Variants in DPM1 observed in about 807,000 individuals in gnomAD.
DPM1 encodes dolichyl-phosphate mannosyltransferase subunit 1, catalytic.
In DPM1, 27 loss-of-function variants were observed where a neutral mutation model predicts 39.0. That is an observed-to-expected ratio of 0.69 (90% CI 0.51 to 0.95). The LOEUF (loss-of-function observed/expected upper bound fraction) is 0.95, where lower values mean the gene tolerates loss of function less well. Among genes scored for constraint, DPM1 ranks in the 40% least tolerant of loss-of-function variants. The pLI is 0.00. For missense variants in DPM1, 307 were observed against 315.6 expected, an observed-to-expected ratio of 0.97 and a Z score of 0.21; for synonymous variants, 124 against 109.0, an observed-to-expected ratio of 1.14 and a Z score of -0.86.
intron 6 of DPM1, among the ~76,000 whole-genome samples, chr20:50,941,389 TA>T (rs1985806647): frequency 2.7e-5 from 4 of 145,944 alleles, no homozygotes; most frequent in African/African-American, 7.5e-5. Flanking sequence ...TATATTCATA[TA>T]TATATTCATA....
rs762396281 is a variant in DPM1 at position 50,958,401 on chromosome 20, C to T, written c.123G>A (p.Pro41=). 16 of 1,614,010 alleles carry T rather than the reference C, an allele frequency of 9.9e-6. No individual in the cohort carries two copies. The East Asian group carries it at 3.3e-4, about 34-fold the overall frequency. ...TTTTCACCAGCAGCCACACGATGAG[C>T]GGCAGGTTCTCGCGCTCGTTGTAGG... ...LPTYNERENL[P]LIVWLLVKSF... Residue 41 remains proline, a synonymous_variant, in exon 1 of 9, where the codon CCG becomes CCA. Transcript: ENST00000371588.
intron 3 of DPM1, 113 bp downstream of exon 3, chr20:50,948,516 A>G: frequency 9.8e-7 from 1 of 1,024,506 alleles, no homozygotes; most frequent in East Asian, 2.4e-5. Flanking sequence ...ATCATTAAAA[A>G]CCATCATAGG....
At chr20:50,936,729 A>C (rs1032160966) in intron 7 of DPM1, among the ~76,000 whole-genome samples, 2 of 152,194 alleles carry the variant, frequency 1.3e-5, no homozygotes, top group African/African-American at 4.8e-5. Context: ...GTTTATGATG[A>C]GTTTTGATTT....
At chr20:50,945,505 T>A (rs1986228782) in intron 5 of DPM1, among the ~76,000 whole-genome samples, 1 of 152,130 alleles carries the variant, frequency 6.6e-6, no homozygotes, top group South Asian at 2.1e-4. Flanking sequence ...TGTGTCTGGC[T>A]AATTTTTGTT....
In DPM1 at chr20:50,958,507, A is replaced by C; in HGVS notation, c.17T>G (p.Val6Gly). 1.9e-6 allele frequency: 3 copies of C among 1,613,418 alleles called. No homozygotes were observed. Among genetic ancestry groups the C allele is most frequent in the Non-Finnish European group, 2.5e-6 (3 of 1,179,934 alleles). The change falls in exon 1 of 9, where the codon GTC becomes GGC. Residue 6 changes from valine (V) to glycine (G), a missense_variant. By Grantham distance (109) the Val-to-Gly change is moderately radical. This residue lies in a region of DPM1 where 206 missense variants were observed against 188.2 expected (regional missense o/e 1.09). Coordinates refer to ENST00000371588, the MANE Select transcript of DPM1 (RefSeq NM_003859.3). Reference protein sequence around the residue: MASLEVSRSPRRSRRE... With the variant: MASLEGSRSPRRSRRE... ...CCGAGACCTGCGAGGACTACGACTG[A>C]CTTCCAAGGAGGCCATGGCGGAACT...
At chr20:50,937,201 G>A (rs929347513) in intron 7 of DPM1, among the ~76,000 whole-genome samples, 1 of 152,056 alleles carries the variant, frequency 6.6e-6, no homozygotes, top group Non-Finnish European at 1.5e-5. Context: ...TGTGCCTCAG[G>A]GTTTCACCCT....
intron 6 of DPM1, chr20:50,941,248 AT>A: frequency 5.8e-6 from 1 of 172,088 alleles, no homozygotes; most frequent in Non-Finnish European, 1.1e-5. Flanking sequence ...ATATATATAT[AT>A]ATATATATAT....
intron 1 of DPM1, 23 bp downstream of exon 1, chr20:50,958,340 G>A: frequency 1.2e-6 from 2 of 1,611,586 alleles, no homozygotes; most frequent in East Asian, 2.2e-5. Context: ...TCATTCTTCG[G>A]GGAGGGAGAC....
chr20:50,943,982 C>T (rs1044463151), intron 5 of DPM1, among the ~76,000 whole-genome samples: 11 of 152,232 alleles, frequency 7.2e-5, no homozygotes, highest in East Asian at 1.9e-4. Flanking sequence ...CCTCGTGATC[C>T]GCCCGCCTCG....
chr20:50,944,708 A>C (rs1485337162), intron 5 of DPM1: 1 of 152,256 alleles, frequency 6.6e-6, no homozygotes, highest in Admixed American at 6.5e-5. Flanking sequence ...GCTTAAACTC[A>C]GAACAGCTTC....
chr20:50,938,483 C>T (rs927631447), intron 7 of DPM1, among the ~76,000 whole-genome samples: 1 of 151,182 alleles, frequency 6.6e-6, no homozygotes, highest in Non-Finnish European at 1.5e-5. Flanking sequence ...CCCAGGTTCA[C>T]GCCATTCTCC....
At chr20:50,940,964 C>A in intron 6 of DPM1, 31 bp from the exon 7 acceptor site, 1 of 1,605,084 alleles carries the variant, frequency 6.2e-7, no homozygotes, top group Non-Finnish European at 8.5e-7. Context: ...ATCTTCTTTA[C>A]AAAATACAAT....
At position 50,958,410 on chromosome 20, in the gene DPM1, C is replaced by G. The variant is rs760153386; in HGVS notation, c.114G>C (p.Glu38Asp). 1 of 1,614,066 alleles carries G rather than the reference C, an allele frequency of 6.2e-7. No individual in the cohort carries two copies. ...GCAGCCACACGATGAGCGGCAGGTTCTCGCGCTCGTTGTAGGTAGGTAAAA... is the reference window on the plus strand; with the variant it reads ...GCAGCCACACGATGAGCGGCAGGTTGTCGCGCTCGTTGTAGGTAGGTAAAA... Reference protein sequence around the residue: ...SVLLPTYNERENLPLIVWLLV... With the variant: ...SVLLPTYNERDNLPLIVWLLV... Residue 38 changes from glutamate (E) to aspartate (D), a missense_variant, in exon 1 of 9, where the codon GAG becomes GAC. Glu to Asp is a conservative substitution (Grantham distance 45, BLOSUM62 2). This residue lies in a region of DPM1 where 206 missense variants were observed against 188.2 expected (regional missense o/e 1.09). Coordinates refer to ENST00000371588, the MANE Select transcript of DPM1 (RefSeq NM_003859.3).
Position 50,958,447 on chromosome 20 carries a change from T to G in DPM1, c.77A>C (p.Lys26Thr). 1 of 1,614,036 alleles carries G rather than the reference T, an allele frequency of 6.2e-7. No homozygotes were observed. The highest frequency in any genetic ancestry group is 8.5e-7 in the Non-Finnish European group (1 of 1,180,006). Residue 26 changes from lysine (K) to threonine (T), a missense_variant, in exon 1 of 9, where the codon AAA becomes ACA. Coordinates refer to ENST00000371588, the MANE Select transcript of DPM1 (RefSeq NM_003859.3). ...ELEVRSPRQN[K>T]YSVLLPTYNE... ...GTAGGTAGGTAAAAGCACCGAATAT[T>G]TGTTCTGTCGTGGACTGCGCACTTC... is the stretch of plus-strand genomic sequence containing the variant.
At position 50,941,983 on chromosome 20, in the gene DPM1, C is replaced by T. The variant is rs757013461; in HGVS notation, c.494+48G>A. On this transcript the variant is annotated intron_variant, in intron 6 of 8. Transcript: ENST00000371588. Reference sequence around the variant, plus strand: ...CTAATCCAAATACTTGCTATGAATACATTTCCAGTAGTTATACTAATAAAG... The same window carrying T: ...CTAATCCAAATACTTGCTATGAATATATTTCCAGTAGTTATACTAATAAAG... The T allele has an allele frequency of 4.1e-6, 6 of 1,477,008 alleles. No individual in the cohort carries two copies. In the Admixed American group the frequency reaches 5.0e-5, roughly 12 times the overall value. The allele number at this position is 1,477,008 out of a possible 1,614,324, so 91.5% of individuals were successfully genotyped here.
chr20:50,950,587 G>A (rs1362016487), intron 2 of DPM1, among the ~76,000 whole-genome samples: 2 of 152,106 alleles, frequency 1.3e-5, no homozygotes, highest in Non-Finnish European at 2.9e-5. Context: ...AGATAACTTT[G>A]GCCAGATGCA....
intron 7 of DPM1, among the ~76,000 whole-genome samples, chr20:50,938,708 A>G (rs527603898): frequency 1.4e-5 from 2 of 145,270 alleles, no homozygotes. Context: ...GGCTGGGTGC[A>G]GTGGCTCATG....
chr20:50,941,656 T>C (rs1985839854), intron 6 of DPM1, among the ~76,000 whole-genome samples: 1 of 151,970 alleles, frequency 6.6e-6, no homozygotes, highest in Non-Finnish European at 1.5e-5. Context: ...TGCAGTGAGT[T>C]AAGACTTTAA....
chr20:50,944,637 G>GGAACTCCCT (rs775842088), intron 5 of DPM1: 6 of 152,186 alleles, frequency 3.9e-5, no homozygotes, highest in South Asian at 2.1e-4. Context: ...GATGTTAGTG[G>GGAACTCCCT]GAACTCCCTG....
Sources: allele counts gnomAD v4.1 joint callset (sites outside exome capture counted in the v4.1 genomes callset), GRCh38; gene constraint gnomAD v4.1.1; regional missense constraint gnomAD v4.1.1; transcripts MANE v1.5; gene names NCBI Gene and HGNC (gene_info 2026-07-23, HGNC 2026-07-21).